Variants in KANK4 observed in about 807,000 individuals in gnomAD.
KANK4 encodes the protein KN motif and ankyrin repeat domains 4, also known as KN motif and ankyrin repeat domain-containing protein 4.
In KANK4, 50 loss-of-function variants were observed where a neutral mutation model predicts 80.8. That is an observed-to-expected ratio of 0.62 (90% CI 0.49 to 0.78). The LOEUF (loss-of-function observed/expected upper bound fraction) is 0.78. KANK4 is among the 30% of genes least tolerant of loss of function. KANK4 has a pLI of 0.00. For missense variants in KANK4, 1,196 were observed against 1,240.1 expected, an observed-to-expected ratio of 0.96 and a Z score of 0.53; for synonymous variants, 465 against 506.9, an observed-to-expected ratio of 0.92 and a Z score of 1.11.
At chr1:62,259,545 A>G (rs2666476) in intron 7 of KANK4, among the ~76,000 whole-genome samples, 106,418 of 151,916 alleles carry the variant, frequency 0.7, 37,982 homozygotes, top group East Asian at 0.84. Context: ...CCAAAGTGCC[A>G]GGATTATAGG....
Position 62,273,790 on chromosome 1 carries a change from G to A in KANK4, c.1314C>T (p.Gly438=). Residue 438 remains glycine (G), a synonymous_variant, in exon 3 of 10, where the codon GGC becomes GGT. Transcript: ENST00000371153. The part of the protein sequence containing the change: ...CDKGIEVNLL[G]SMESESWGHR... The stretch of plus-strand genomic sequence containing the variant: ...GCCCCCAGCTTTCAGACTCCATGCT[G>A]CCTAGAAGGTTGACTTCAATGCCCT... 1 of 1,614,116 alleles carries A rather than the reference G, an allele frequency of 6.2e-7. No individual in the cohort carries two copies. The highest frequency in any genetic ancestry group is 2.2e-5 in the East Asian group (1 of 44,864).
In KANK4 at chr1:62,237,462, A is replaced by G. The variant is rs1284090538; in HGVS notation, c.*815T>C. ...GGAAGCTTTTTTTTGTTTCTTCCAC[A>G]GACTCAAAATAGCTGAGAGAATCTG... On this transcript the variant is annotated 3_prime_UTR_variant, in exon 10 of 10. Transcript: ENST00000371153. 2 of 152,216 alleles carry G rather than the reference A, an allele frequency of 1.3e-5. No homozygotes were observed. Among genetic ancestry groups the G allele is most frequent in the African/African-American group, 4.8e-5 (2 of 41,458 alleles). The allele number at this position is 152,216 out of a possible 1,614,324, so 9.4% of individuals were successfully genotyped here. A position where few individuals can be genotyped will look rare whatever the true frequency, so the allele number is the denominator to read the frequency against.
chr1:62,271,660 T>A (rs555451934), intron 3 of KANK4, 71 bp from the exon 4 acceptor site: 31 of 1,120,340 alleles, frequency 2.8e-5, no homozygotes, highest in Non-Finnish European at 4.0e-5. Context: ...ACCAGGATAT[T>A]GCTTTGAGGG....
At chr1:62,271,654 G>C (rs963826856) in intron 3 of KANK4, 65 bp from the exon 4 acceptor site, 2 of 1,212,378 alleles carry the variant, frequency 1.6e-6, no homozygotes, top group Non-Finnish European at 2.5e-6. Context: ...AGCAAAACCA[G>C]GATATTGCTT....
chr1:62,254,989 G>T (rs1354236416), intron 7 of KANK4, among the ~76,000 whole-genome samples: 1 of 144,818 alleles, frequency 6.9e-6, no homozygotes, highest in African/African-American at 2.6e-5. Flanking sequence ...GGGTTCAAGT[G>T]ATTCTCCTGC....
Position 62,247,656 on chromosome 1 carries a change from A to G in KANK4, c.2699T>C (p.Leu900Pro), listed in dbSNP as rs1671503477. 6.2e-7 allele frequency: 1 copy of G among 1,613,748 alleles called. No homozygotes were observed. Among genetic ancestry groups the G allele is most frequent in the Non-Finnish European group, 8.5e-7 (1 of 1,180,022 alleles). The part of the protein sequence containing the change: ...IQATQGGQTA[L>P]MLGVSHDRED... Reference sequence around the variant, plus strand: ...CCTGTCGTGGCTGACTCCCAGCATCAGCGCAGTCTGGCCTCCCTGCATGCA... The same window carrying G: ...CCTGTCGTGGCTGACTCCCAGCATCGGCGCAGTCTGGCCTCCCTGCATGCA... Residue 900 changes from leucine (L) to proline (P), a missense_variant, in exon 9 of 10, where the codon CTG (leucine) becomes CCG (proline). This residue lies in a region of KANK4 where 1,154 missense variants were observed against 1,179.6 expected (regional missense o/e 0.98). Coordinates refer to ENST00000371153, the MANE Select transcript of KANK4 (RefSeq NM_181712.5).
At chr1:62,262,041 A>AG (rs1372147921) in intron 7 of KANK4, among the ~76,000 whole-genome samples, 1 of 152,252 alleles carries the variant, frequency 6.6e-6, no homozygotes, top group Admixed American at 6.5e-5. Context: ...GGTAGTAGCC[A>AG]GTATGGACCT....
intron 8 of KANK4, among the ~76,000 whole-genome samples, chr1:62,248,156 G>A (rs1378887626): frequency 6.6e-6 from 1 of 152,126 alleles, no homozygotes; most frequent in East Asian, 1.9e-4. Flanking sequence ...GAAATTTTCA[G>A]TTTAAGGATA....
chr1:62,256,155 G>C (rs1671747294), intron 7 of KANK4, among the ~76,000 whole-genome samples: 1 of 152,160 alleles, frequency 6.6e-6, no homozygotes, highest in Admixed American at 6.5e-5. Context: ...GCCCAGGGAA[G>C]CCAAAGATTG....
Position 62,284,086 on chromosome 1 carries a change from C to T in KANK4, c.-70-2452G>A, listed in dbSNP as rs541635264. Among the ~76,000 whole-genome samples, 6 of 152,226 alleles carry T rather than the reference C, an allele frequency of 3.9e-5. No individual in the cohort carries two copies. The East Asian group carries it at 7.7e-4, about 20-fold the overall frequency. On this transcript the variant is annotated intron_variant, in intron 1 of 9. Coordinates refer to ENST00000371153, the MANE Select transcript of KANK4 (RefSeq NM_181712.5). Reference sequence around the variant, plus strand: ...AGGAAGGAAGGAAGGAGGGATCTGTCGTGTGCACAAGTCACCACTTCCAGC... The same window carrying T: ...AGGAAGGAAGGAAGGAGGGATCTGTTGTGTGCACAAGTCACCACTTCCAGC...
At chr1:62,287,048 G>A (rs549885023) in intron 1 of KANK4, among the ~76,000 whole-genome samples, 8 of 152,286 alleles carry the variant, frequency 5.3e-5, no homozygotes, top group East Asian at 1.9e-4. Flanking sequence ...TCCGAGAGGC[G>A]GGGTGCAGGA....
At position 62,273,342 on chromosome 1, in the gene KANK4, C is replaced by G. The variant is rs74424889; in HGVS notation, c.1762G>C (p.Ala588Pro). Residue 588 changes from alanine to proline, a missense_variant, in exon 3 of 10, where the codon GCC (alanine) becomes CCC (proline). Physicochemically the swap from Ala to Pro is conservative, Grantham distance 27. This residue lies in a region of KANK4 where 1,154 missense variants were observed against 1,179.6 expected (regional missense o/e 0.98). Transcript: ENST00000371153. ...LEHGYPELAS[A>P]IKQPASKLSS... ...AGCTTGGAGGCTGGCTGCTTGATGG[C>G]GCTGGCCAGCTCCGGGTACCCATGC... 6.2e-7 allele frequency: 1 copy of G among 1,608,410 alleles called. No homozygotes were observed. Among genetic ancestry groups the G allele is most frequent in the Non-Finnish European group, 8.5e-7 (1 of 1,175,786 alleles).
chr1:62,249,602 G>C (rs1269425596), intron 8 of KANK4, among the ~76,000 whole-genome samples: 1 of 151,104 alleles, frequency 6.6e-6, no homozygotes, highest in Non-Finnish European at 1.5e-5. Context: ...GAGTGCAATG[G>C]TGCAATCTCG....
intron 1 of KANK4, among the ~76,000 whole-genome samples, chr1:62,301,166 T>G (rs1379582162): frequency 1.3e-5 from 2 of 151,984 alleles, no homozygotes; most frequent in Admixed American, 1.3e-4. Flanking sequence ...AAGCAGAACA[T>G]GAAACAGACT....
intron 1 of KANK4, among the ~76,000 whole-genome samples, chr1:62,293,931 T>C (rs1644334522): frequency 6.6e-6 from 1 of 152,208 alleles, no homozygotes; most frequent in East Asian, 1.9e-4. Context: ...GTTCAGCTAC[T>C]TCATATCCCT....
intron 1 of KANK4, among the ~76,000 whole-genome samples, chr1:62,315,079 T>C (rs1644528525): frequency 6.6e-6 from 1 of 152,222 alleles, no homozygotes; most frequent in Admixed American, 6.5e-5. Flanking sequence ...ATTATCTGTG[T>C]AGACTGCAGG....
intron 1 of KANK4, among the ~76,000 whole-genome samples, chr1:62,300,651 C>A (rs1215347340): frequency 1.3e-5 from 2 of 152,052 alleles, no homozygotes; most frequent in South Asian, 2.1e-4. Context: ...AAGCGGATGG[C>A]GGAAGACAGA....
rs1671662900 is a variant in KANK4 at position 62,253,161 on chromosome 1, A to AT, written c.2587dup (p.Met863AsnfsTer12). On this transcript the variant is annotated frameshift_variant, in exon 8 of 10. Coordinates refer to ENST00000371153, the MANE Select transcript of KANK4 (RefSeq NM_181712.5). LOFTEE classifies it high-confidence loss of function. ...CTCTGCGGAAGCCAAGGGAGTGATCATTACGGCAGTGTAGCCAGCTTTGTT... is the reference window on the plus strand; with the variant it reads ...CTCTGCGGAAGCCAAGGGAGTGATCATTTACGGCAGTGTAGCCAGCTTTGTT... The AT allele has an allele frequency of 1.2e-6, 2 of 1,613,382 alleles. No individual in the cohort carries two copies. Among genetic ancestry groups the AT allele is most frequent in the Non-Finnish European group, 1.7e-6 (2 of 1,179,846 alleles).
chr1:62,287,952 G>A lies in KANK4; in HGVS notation c.-70-6318C>T, dbSNP rs543105604. ...TAAGGGTATAGAAAAAATATACTGC[G>A]GAGCAAACTGCTTCTCTGATACACT... On this transcript the variant is annotated intron_variant, in intron 1 of 9. Transcript: ENST00000371153. Among the ~76,000 whole-genome samples the A allele has an allele frequency of 1.2e-4, 19 of 152,224 alleles. No individual in the cohort carries two copies. In the South Asian group the frequency reaches 3.3e-3, roughly 27 times the overall value.
Sources: allele counts gnomAD v4.1 joint callset (sites outside exome capture counted in the v4.1 genomes callset), GRCh38; gene constraint gnomAD v4.1.1; regional missense constraint gnomAD v4.1.1; transcripts MANE v1.5; gene names NCBI Gene and HGNC (gene_info 2026-07-23, HGNC 2026-07-21).